Variants in ST3GAL3 observed in about 807,000 individuals in gnomAD.
ST3GAL3 encodes the protein ST3 beta-galactoside alpha-2,3-sialyltransferase 3, also known as CMP-N-acetylneuraminate-beta-1,4-galactoside alpha-2,3-sialyltransferase.
ST3GAL3 carries 21 observed loss-of-function variants against 50.1 expected under a neutral mutation model. The ratio of observed to expected loss-of-function variants is 0.42; its 90% CI spans 0.30 to 0.60. ST3GAL3 has a LOEUF of 0.60. Ranked by LOEUF, ST3GAL3 falls within the 20% of genes least tolerant of loss-of-function variation. The pLI is 0.19. For missense variants in ST3GAL3, 353 were observed against 489.4 expected (o/e 0.72, Z 2.63); for synonymous variants, 183 against 190.0 (o/e 0.96, Z 0.30).
rs756428954 is a variant in ST3GAL3 at position 43,792,127 on chromosome 1, C to G, written c.144C>G (p.Ser48=). 1.9e-6 allele frequency: 3 copies of G among 1,614,056 alleles called. No individual in the cohort carries two copies. The African/African-American group carries it at 4.0e-5, about 22-fold the overall frequency. The change falls in exon 3 of 12, where the codon TCC becomes TCG. Residue 48 remains serine, a synonymous_variant. Transcript: ENST00000347631. ...ATTCAGTGGTTCTTTCCTTTGACTC[C>G]GCTGGACAAACACTAGGCTCAGGTA... ...DSNSVVLSFD[S]AGQTLGSEYD...
chr1:43,859,749 C>T (rs2069431730), intron 5 of ST3GAL3, among the ~76,000 whole-genome samples: 1 of 152,180 alleles, frequency 6.6e-6, no homozygotes, highest in Admixed American at 6.5e-5. Flanking sequence ...GGCCTGAGCT[C>T]AGAAACCAGC....
intron 9 of ST3GAL3, among the ~76,000 whole-genome samples, chr1:43,918,119 C>CTCTTTTTTTT (rs56052310): frequency 4.5e-5 from 6 of 133,900 alleles, no homozygotes; most frequent in Admixed American, 8.0e-5. Context: ...TTTTCTTTCT[C>CTCTTTTTTTT]TTTTTTTTTT....
intron 2 of ST3GAL3, among the ~76,000 whole-genome samples, chr1:43,786,247 C>G (rs374866480): frequency 6.6e-6 from 1 of 152,122 alleles, no homozygotes; most frequent in Non-Finnish European, 1.5e-5. Context: ...CTGTTACTCC[C>G]GGGGTTTTAA....
intron 9 of ST3GAL3, among the ~76,000 whole-genome samples, chr1:43,901,455 T>A (rs1469295247): frequency 6.6e-6 from 1 of 152,198 alleles, no homozygotes; most frequent in Non-Finnish European, 1.5e-5. Flanking sequence ...CTGTCATGGG[T>A]GTTATCACAT....
At chr1:43,709,116 C>T (rs1472341665) in intron 1 of ST3GAL3, among the ~76,000 whole-genome samples, 4 of 151,932 alleles carry the variant, frequency 2.6e-5, no homozygotes, top group Non-Finnish European at 4.4e-5. Context: ...AGTGGGTAGC[C>T]GGCTGTATGA....
intron 5 of ST3GAL3, among the ~76,000 whole-genome samples, chr1:43,881,657 C>G (rs937366996): frequency 5.9e-5 from 9 of 152,234 alleles, no homozygotes; most frequent in African/African-American, 2.2e-4. Flanking sequence ...AGCCTCTCCT[C>G]TCCTCCTTCA....
At chr1:43,734,297 C>CTTT (rs751937263) in intron 1 of ST3GAL3, among the ~76,000 whole-genome samples, 16,484 of 111,012 alleles carry the variant, frequency 0.15, 2,642 homozygotes, top group East Asian at 0.29. Context: ...TCTTCTTCTT[C>CTTT]TTTTTTTTTT....
At chr1:43,753,136 A>G (rs1408235591) in intron 2 of ST3GAL3, among the ~76,000 whole-genome samples, 3 of 152,252 alleles carry the variant, frequency 2.0e-5, no homozygotes, top group East Asian at 3.8e-4. Flanking sequence ...GTGGGACACC[A>G]TGTCCAATTC....
rs763057986 is a variant in ST3GAL3, at chr1:43,824,802, A to G, written c.209+9869A>G. The G allele has an allele frequency of 2.1e-6, 3 of 1,412,998 alleles. No individual in the cohort carries two copies. The South Asian group carries it at 3.4e-5, about 16-fold the overall frequency. 87.5% of individuals were successfully genotyped at this position (1,412,998 alleles called of 1,614,324 possible). ...TTGGAATCACCTGGAGAGCCTAAAA[A>G]ATTACTGATGCCTGCATCCCACCCT... is the stretch of plus-strand genomic sequence containing the variant. On this transcript the variant is annotated intron_variant, in intron 4 of 11. Coordinates refer to ENST00000347631, the MANE Select transcript of ST3GAL3 (RefSeq NM_006279.5).
intron 4 of ST3GAL3, among the ~76,000 whole-genome samples, chr1:43,816,724 G>C (rs1275984030): frequency 6.6e-6 from 1 of 152,228 alleles, no homozygotes; most frequent in South Asian, 2.1e-4. Flanking sequence ...GTAGGCTGTT[G>C]TGTAGCTTTC....
At chr1:43,725,595 A>G (rs1446893239) in intron 1 of ST3GAL3, among the ~76,000 whole-genome samples, 1 of 152,020 alleles carries the variant, frequency 6.6e-6, no homozygotes, top group Non-Finnish European at 1.5e-5. Context: ...TTTTTTATTT[A>G]TCTTTTTCTG....
chr1:43,733,838 G>A (rs6659622), intron 1 of ST3GAL3, among the ~76,000 whole-genome samples: 11,382 of 152,242 alleles, frequency 0.075, 1,392 homozygotes, highest in African/African-American at 0.26. Context: ...CTCTTTCACC[G>A]GGCGTGGTGG....
chr1:43,794,659 A>G (rs983246468), intron 3 of ST3GAL3, among the ~76,000 whole-genome samples: 1 of 152,240 alleles, frequency 6.6e-6, no homozygotes, highest in African/African-American at 2.4e-5. Context: ...ATAATTGTCA[A>G]AAACCAAAAA....
intron 1 of ST3GAL3, among the ~76,000 whole-genome samples, chr1:43,721,172 T>C (rs1337318140): frequency 6.6e-6 from 1 of 151,010 alleles, no homozygotes; most frequent in Non-Finnish European, 1.5e-5. Flanking sequence ...TTGAGCCCAG[T>C]AGTTGGAGGC....
intron 9 of ST3GAL3, among the ~76,000 whole-genome samples, chr1:43,918,105 A>C (rs904586146): frequency 9.5e-6 from 1 of 105,388 alleles, no homozygotes; most frequent in African/African-American, 3.1e-5. Context: ...AGACATCTAA[A>C]TTTTTTTCTT....
chr1:43,875,236 C>G (rs1025664775), intron 5 of ST3GAL3, among the ~76,000 whole-genome samples: 3 of 152,080 alleles, frequency 2.0e-5, no homozygotes, highest in African/African-American at 7.2e-5. Flanking sequence ...GAGGATTGTA[C>G]GAGTTTAGCT....
intron 3 of ST3GAL3, among the ~76,000 whole-genome samples, chr1:43,796,499 G>T (rs550101131): frequency 6.6e-6 from 1 of 152,312 alleles, no homozygotes; most frequent in African/African-American, 2.4e-5. Flanking sequence ...CCAAGTCCCA[G>T]ACTGGATGCA....
chr1:43,741,779 G>A lies in ST3GAL3; in HGVS notation c.118+5399G>A, dbSNP rs76459375. 4.8e-3 allele frequency among the ~76,000 whole-genome samples: 725 copies of A among 152,304 alleles called. 7 individuals carry two copies. Among genetic ancestry groups the A allele is most frequent in the African/African-American group, 0.017 (693 of 41,562 alleles). On this transcript the variant is annotated intron_variant, in intron 2 of 11. Transcript: ENST00000347631. The stretch of plus-strand genomic sequence containing the variant: ...TGTCAGCCTGTAGACAACAGGCAGC[G>A]TAAAATTTCAGTTCCTAAGAGAAGG...
intron 9 of ST3GAL3, among the ~76,000 whole-genome samples, chr1:43,905,176 C>CCTT (rs1324023719): frequency 8.8e-6 from 1 of 113,690 alleles, no homozygotes; most frequent in African/African-American, 3.3e-5. Flanking sequence ...TCCCCCTCCT[C>CCTT]CTGTTTCTCT....
Sources: gnomAD v4.1 joint callset for allele counts (sites outside exome capture counted in the v4.1 genomes callset) on GRCh38, gnomAD v4.1.1 for gene constraint, MANE v1.5 for transcripts, NCBI Gene and HGNC (gene_info 2026-07-23, HGNC 2026-07-21) for gene names.